The following ANXA9 variants were observed in gnomAD, a reference collection of about 807,000 sequenced individuals.
ANXA9 encodes annexin A9, also known as annexin 31.
Under a neutral mutation model 51.8 loss-of-function variants are expected in ANXA9, and 47 were observed. The observed-to-expected ratio is 0.91, with a 90% confidence interval of 0.72 to 1.16. The LOEUF is 1.16. ANXA9 is among the 50% of genes most tolerant of loss of function. The pLI, the probability that ANXA9 is intolerant of heterozygous loss-of-function variation, is 0.00. For synonymous variants in ANXA9, 154 were observed against 168.7 expected (o/e 0.91, Z 0.68); for missense variants, 361 against 424.7 (o/e 0.85, Z 1.32).
upstream of ANXA9, among the ~76,000 whole-genome samples, chr1:150,980,340 G>A (rs587707749): frequency 6.6e-6 from 1 of 151,506 alleles, no homozygotes; most frequent in East Asian, 2.0e-4. Flanking sequence ...AGCTTGCAGT[G>A]AGCCAACATA....
In ANXA9 at chr1:150,995,369, CGT is replaced by C; in HGVS notation, c.*50_*51del. 1 of 1,559,972 alleles carries C rather than the reference CGT, an allele frequency of 6.4e-7. No individual in the cohort carries two copies. ...ATGACATCCGAGGATCTGAGATTTC[CGT>C]GTTTGGCTGAACCTGGGAGACCAGC... is the stretch of plus-strand genomic sequence containing the variant. On this transcript the variant is annotated 3_prime_UTR_variant, in exon 14 of 14. Transcript: ENST00000368947.
chr1:150,983,069 G>A (rs768122698), intron 2 of ANXA9, 21 bp from the exon 3 acceptor site: 6 of 1,599,624 alleles, frequency 3.8e-6, no homozygotes, highest in Non-Finnish European at 5.1e-6. Context: ...CAGCTCTGTG[G>A]GCTCCTGTTT....
intron 12 of ANXA9, among the ~76,000 whole-genome samples, chr1:150,992,279 G>A (rs774000573): frequency 3.0e-4 from 45 of 152,140 alleles, no homozygotes; most frequent in Non-Finnish European, 5.6e-4. Context: ...GCCAGGCATG[G>A]TGGCTCATGC....
At chr1:150,977,804 T>C (rs759822605), upstream of ANXA9, among the ~76,000 whole-genome samples, 54 of 152,222 alleles carry the variant, frequency 3.5e-4, no homozygotes, top group Non-Finnish European at 6.9e-4. Context: ...GGAGTTTCTA[T>C]GTATTCTGAA....
chr1:150,980,134 C>T (rs1401386250), upstream of ANXA9, among the ~76,000 whole-genome samples: 3 of 152,172 alleles, frequency 2.0e-5, no homozygotes, highest in African/African-American at 4.8e-5. Flanking sequence ...CGGTGGCTCA[C>T]GCCTGTAATC....
At chr1:150,992,076 C>A (rs183870453) in intron 12 of ANXA9, among the ~76,000 whole-genome samples, 33 of 152,084 alleles carry the variant, frequency 2.2e-4, no homozygotes, top group African/African-American at 5.8e-4. Flanking sequence ...CTGTATTATT[C>A]TTTTATGAGA....
At chr1:150,986,474 G>C (rs587707021) in intron 8 of ANXA9, 59 bp downstream of exon 8, 1 of 1,584,984 alleles carries the variant, frequency 6.3e-7, no homozygotes, top group Non-Finnish European at 8.7e-7. Context: ...GAGACACGCT[G>C]GAGCAGGGAG....
In ANXA9 at chr1:150,994,570, CT is replaced by C. The variant is rs1558042295; in HGVS notation, c.853-6del. On this transcript the variant is annotated splice_polypyrimidine_tract_variant and splice_region_variant and intron_variant, in intron 12 of 13. Transcript: ENST00000368947. ...AACTACCCCCCATCTCTTTCTTCCC[CT>C]ACTAGGAAACTGAGCCCAATTACCA... is the stretch of plus-strand genomic sequence containing the variant. 8 of 1,613,752 alleles carry C rather than the reference CT, an allele frequency of 5.0e-6. No individual in the cohort carries two copies. The highest frequency in any genetic ancestry group is 6.8e-6 in the Non-Finnish European group (8 of 1,179,720).
At chr1:150,980,124 C>T (rs764611408), upstream of ANXA9, among the ~76,000 whole-genome samples, 4 of 152,094 alleles carry the variant, frequency 2.6e-5, no homozygotes, top group East Asian at 1.9e-4. Flanking sequence ...TAATTACAGG[C>T]GGTGGCTCAC....
chr1:150,992,668 G>T (rs986972479), intron 12 of ANXA9, among the ~76,000 whole-genome samples: 10 of 151,358 alleles, frequency 6.6e-5, no homozygotes, highest in Non-Finnish European at 1.5e-4. Flanking sequence ...AAATTAGCTG[G>T]GCGTTTGGCA....
chr1:150,994,485 T>G (rs1406603887), intron 12 of ANXA9, 92 bp from the exon 13 acceptor site: 2 of 1,564,346 alleles, frequency 1.3e-6, no homozygotes, highest in African/African-American at 2.7e-5. Context: ...CCACCTTGCC[T>G]CCCCTTCCTA....
intron 12 of ANXA9, among the ~76,000 whole-genome samples, chr1:150,991,699 A>G (rs1229506057): frequency 3.4e-5 from 5 of 148,800 alleles, no homozygotes; most frequent in East Asian, 2.0e-4. Context: ...CCGCCACCAC[A>G]TCCGGCTAAT....
intron 12 of ANXA9, among the ~76,000 whole-genome samples, chr1:150,994,111 C>A (rs976985573): frequency 6.6e-6 from 1 of 152,120 alleles, no homozygotes; most frequent in African/African-American, 2.4e-5. Flanking sequence ...AGTCACACAA[C>A]CTTGAACCCT....
Position 150,983,104 on chromosome 1 carries a change from C to G in ANXA9, c.-2C>G, listed in dbSNP as rs1177894337. 1 of 1,613,698 alleles carries G rather than the reference C, an allele frequency of 6.2e-7. No individual in the cohort carries two copies. The highest frequency in any genetic ancestry group is 2.2e-5 in the East Asian group (1 of 44,890). ...TCCTTCCCCAGGGCAACCAGTAGCA[C>G]CATGTCTGTGACTGGCGGGAAGATG... On this transcript the variant is annotated 5_prime_UTR_variant, in exon 3 of 14. Transcript: ENST00000368947.
chr1:150,983,525 G>A (rs1368721485), intron 4 of ANXA9, 91 bp downstream of exon 4: 7 of 1,280,560 alleles, frequency 5.5e-6, no homozygotes, highest in Non-Finnish European at 7.6e-6. Context: ...AGTGATGTTG[G>A]AGAAATGTTT....
chr1:150,986,609 G>A lies in ANXA9; in HGVS notation c.560G>A (p.Arg187His), dbSNP rs948683915. Residue 187 changes from arginine to histidine, a missense_variant, in exon 9 of 14, where the codon CGT becomes CAT. Arg to His is a conservative substitution (Grantham distance 29). Coordinates refer to ENST00000368947, the MANE Select transcript of ANXA9 (RefSeq NM_003568.3). ...AACAGTTTCTCCTCCTAGGGGGGCC[G>A]TGACAGCTACTCTGGAATCATTGAC... ...DLLLALAKGG[R>H]DSYSGIIDYN... 1.1e-5 allele frequency: 18 copies of A among 1,607,532 alleles called. No individual in the cohort carries two copies. The highest frequency in any genetic ancestry group is 6.7e-5 in the South Asian group (6 of 90,148).
intron 7 of ANXA9, among the ~76,000 whole-genome samples, chr1:150,985,570 G>A (rs587764258): frequency 6.1e-5 from 9 of 147,610 alleles, no homozygotes; most frequent in African/African-American, 2.3e-4. Flanking sequence ...TCTAATCTTG[G>A]CCTATGTTCT....
chr1:150,991,958 GGTTTCACCAT>G (rs1671712581), intron 12 of ANXA9, among the ~76,000 whole-genome samples: 1 of 151,846 alleles, frequency 6.6e-6, no homozygotes, highest in Non-Finnish European at 1.5e-5. Context: ...GTAGAGACAG[GGTTTCACCAT>G]GTTGACCAGG....
intron 2 of ANXA9, 73 bp downstream of exon 2, chr1:150,982,656 C>T (rs1485795300): frequency 5.1e-5 from 8 of 158,196 alleles, no homozygotes; most frequent in African/African-American, 9.6e-5. Flanking sequence ...GATGCTATTT[C>T]GAGTTGTCTT....
Sources: allele counts gnomAD v4.1 joint callset (sites outside exome capture counted in the v4.1 genomes callset), GRCh38; gene constraint gnomAD v4.1.1; transcripts MANE v1.5; gene names NCBI Gene and HGNC (gene_info 2026-07-23, HGNC 2026-07-21).